RASGRF1: variants seen among roughly 807,000 people sequenced by gnomAD.
The protein encoded by RASGRF1 is Ras protein specific guanine nucleotide releasing factor 1, also known as ras-specific guanine nucleotide-releasing factor 1.
In RASGRF1, 40 loss-of-function variants were observed where a neutral mutation model predicts 138.7. That is an observed-to-expected ratio of 0.29 (90% CI 0.22 to 0.38). The LOEUF (loss-of-function observed/expected upper bound fraction) is 0.38, where lower values mean the gene tolerates loss of function less well. Ranked by LOEUF, RASGRF1 falls within the 10% of genes least tolerant of loss-of-function variation. The pLI is 1.00. For missense variants in RASGRF1, 1,108 were observed against 1,650.4 expected, an observed-to-expected ratio of 0.67 and a Z score of 5.69; for synonymous variants, 614 against 663.2, an observed-to-expected ratio of 0.93 and a Z score of 1.14.
chr15:78,984,728 AG>A (rs1376269280), intron 23 of RASGRF1: 3 of 451,352 alleles, frequency 6.6e-6, no homozygotes, highest in African/African-American at 6.0e-5. Context: ...CAACTCCAGA[AG>A]AAAAATGTTG....
At chr15:79,011,111 T>C (rs7169735) in intron 13 of RASGRF1, among the ~76,000 whole-genome samples, 117,811 of 151,756 alleles carry the variant, frequency 0.78, 46,865 homozygotes, top group Non-Finnish European at 0.84. Context: ...CCGCTCCCCA[T>C]TCTCCCCATA....
At position 79,029,359 on chromosome 15, in the gene RASGRF1, G is replaced by C. The variant is rs560445975; in HGVS notation, c.1263-1500C>G. ...ATTAAAACCACTTCTCTTGATGAGG[G>C]TGGGGTTTTGCGGGGGAAGCCTGTG... is the stretch of plus-strand genomic sequence containing the variant. On this transcript the variant is annotated intron_variant, in intron 8 of 26. Transcript: ENST00000558480. Among the ~76,000 whole-genome samples, 9 of 152,294 alleles carry C rather than the reference G, an allele frequency of 5.9e-5. No individual in the cohort carries two copies. In the East Asian group the frequency reaches 1.2e-3, roughly 20 times the overall value.
intron 10 of RASGRF1, among the ~76,000 whole-genome samples, 186 bp from the exon 11 acceptor site, chr15:79,020,290 A>G (rs917369812): frequency 5.2e-5 from 8 of 152,386 alleles, no homozygotes; most frequent in African/African-American, 1.9e-4. Flanking sequence ...TTATCTTCAT[A>G]TAAGAAGCTC....
At position 79,019,994 on chromosome 15, in the gene RASGRF1, GTA is replaced by G. The variant is rs1567529979; in HGVS notation, c.1606+45_1606+46del. The G allele has an allele frequency of 1.9e-6, 3 of 1,603,034 alleles. No individual in the cohort carries two copies. The East Asian group carries it at 6.7e-5, about 36-fold the overall frequency. On this transcript the variant is annotated intron_variant, in intron 11 of 26. Coordinates refer to ENST00000558480, the MANE Select transcript of RASGRF1 (RefSeq NM_001145648.3). ...CCAACCTTTAGGAGTGAGCGTGTGTGTATCTGTGCAAGCACACACATGCGCAC... is the reference window on the plus strand; with the variant it reads ...CCAACCTTTAGGAGTGAGCGTGTGTGTCTGTGCAAGCACACACATGCGCAC...
chr15:79,027,724 G>A lies in RASGRF1; in HGVS notation c.1381+17C>T, dbSNP rs756643381. 6.2e-7 allele frequency: 1 copy of A among 1,609,892 alleles called. No homozygotes were observed. The highest frequency in any genetic ancestry group is 8.5e-7 in the Non-Finnish European group (1 of 1,176,266). Reference sequence around the variant, plus strand: ...CCACCTGGTGGGGGCAGGGGAGACAGGGTGCAGAGGCCATACCTTGTCTCA... The same window carrying A: ...CCACCTGGTGGGGGCAGGGGAGACAAGGTGCAGAGGCCATACCTTGTCTCA... On this transcript the variant is annotated intron_variant, in intron 9 of 26. Transcript: ENST00000558480. This position sits in a 1 kb window ranked among gnomAD's most constrained non-coding sequence, Gnocchi z 4.8.
At position 79,027,013 on chromosome 15, in the gene RASGRF1, G is replaced by A. The variant is rs2057067248; in HGVS notation, c.1381+728C>T. On this transcript the variant is annotated intron_variant, in intron 9 of 26. Coordinates refer to ENST00000558480, the MANE Select transcript of RASGRF1 (RefSeq NM_001145648.3). The surrounding 1 kb of genome is among the most constrained non-coding windows in gnomAD (Gnocchi z 4.8). Reference sequence around the variant, plus strand: ...GGAGGCGCTGGCAAGTATTTCGTTAGGCAGAGAATCCCAGGGCTACAGAGA... The same window carrying A: ...GGAGGCGCTGGCAAGTATTTCGTTAAGCAGAGAATCCCAGGGCTACAGAGA... 6.6e-6 allele frequency among the ~76,000 whole-genome samples: 1 copy of A among 152,178 alleles called. No homozygotes were observed. Among genetic ancestry groups the A allele is most frequent in the Non-Finnish European group, 1.5e-5 (1 of 68,024 alleles).
At chr15:79,004,891 G>T in intron 14 of RASGRF1, 10 of 978,486 alleles carry the variant, frequency 1.0e-5, no homozygotes, top group Non-Finnish European at 1.1e-5. Context: ...ATTCCTACAG[G>T]ATAACTGCAG....
chr15:78,985,550 G>A (rs2056134600), intron 22 of RASGRF1: 1 of 193,450 alleles, frequency 5.2e-6, no homozygotes, highest in Admixed American at 5.4e-5. Context: ...CAGAGAAAGA[G>A]ATCAAATTCC....
intron 1 of RASGRF1, among the ~76,000 whole-genome samples, chr15:79,070,485 G>A (rs947599852): frequency 2.0e-5 from 3 of 152,240 alleles, no homozygotes; most frequent in Non-Finnish European, 2.9e-5. Flanking sequence ...TAAGCAGGTG[G>A]AGGTTCATAT....
At chr15:79,090,019 C>T (rs185312875) in intron 1 of RASGRF1, among the ~76,000 whole-genome samples, 1 of 152,242 alleles carries the variant, frequency 6.6e-6, no homozygotes, top group Admixed American at 6.5e-5. Context: ...ATCTACTCCC[C>T]GCCCTCAATC....
At chr15:79,058,135 CAG>C (rs2057535026) in intron 3 of RASGRF1, among the ~76,000 whole-genome samples, 197 bp downstream of exon 3, 1 of 152,214 alleles carries the variant, frequency 6.6e-6, no homozygotes, top group African/African-American at 2.4e-5. Flanking sequence ...CAATAAGTGA[CAG>C]AGGTGAGATT....
At position 79,017,883 on chromosome 15, in the gene RASGRF1, C is replaced by T. The variant is rs780630269; in HGVS notation, c.1630G>A (p.Asp544Asn). The change falls in exon 12 of 27, where the codon GAT becomes AAT. Residue 544 changes from aspartate to asparagine, a missense_variant. This residue lies in a region of RASGRF1 where 686 missense variants were observed against 976.7 expected (regional missense o/e 0.70). Transcript: ENST00000558480. ...EEAKGSGQDI[D>N]HLDFKIGVEP... ...ACCCCGATTTTAAAATCCAAGTGAT[C>T]TATGTCTTGGCCGGATCCTTTGGCT... 1.9e-6 allele frequency: 3 copies of T among 1,613,502 alleles called. No individual in the cohort carries two copies. The South Asian group carries it at 3.3e-5, about 18-fold the overall frequency.
Position 79,006,115 on chromosome 15 carries a change from C to A in RASGRF1, c.2075+71G>T. 6.3e-7 allele frequency: 1 copy of A among 1,597,224 alleles called. No homozygotes were observed. Among genetic ancestry groups the A allele is most frequent in the Non-Finnish European group, 8.6e-7 (1 of 1,169,582 alleles). On this transcript the variant is annotated intron_variant, in intron 14 of 26. Coordinates refer to ENST00000558480, the MANE Select transcript of RASGRF1 (RefSeq NM_001145648.3). The surrounding 1 kb of genome is among the most constrained non-coding windows in gnomAD (Gnocchi z 4.0). ...GACCTTCCAGGTCACCCCCCGGCCCCGTGCAAGCTCAGTTTTCCTCCAAGG... is the reference window on the plus strand; with the variant it reads ...GACCTTCCAGGTCACCCCCCGGCCCAGTGCAAGCTCAGTTTTCCTCCAAGG...
At chr15:79,078,089 C>T (rs1390641157) in intron 1 of RASGRF1, among the ~76,000 whole-genome samples, 2 of 151,162 alleles carry the variant, frequency 1.3e-5, no homozygotes, top group Admixed American at 6.6e-5. Context: ...CCACATGCTG[C>T]GTGATATCCC....
intron 16 of RASGRF1, 60 bp downstream of exon 16, chr15:79,001,602 G>C (rs957519611): frequency 1.5e-5 from 23 of 1,572,860 alleles, no homozygotes; most frequent in Non-Finnish European, 1.9e-5. Flanking sequence ...GACTCGACTT[G>C]ACCTACTGCC....
At chr15:79,019,569 A>G (rs1400917445) in intron 11 of RASGRF1, among the ~76,000 whole-genome samples, 2 of 152,076 alleles carry the variant, frequency 1.3e-5, no homozygotes, top group Non-Finnish European at 2.9e-5. Context: ...TGGCCCCTGC[A>G]CATTCTTTCC....
intron 3 of RASGRF1, among the ~76,000 whole-genome samples, chr15:79,054,118 G>A (rs942772439): frequency 1.3e-5 from 2 of 152,260 alleles, no homozygotes; most frequent in Non-Finnish European, 2.9e-5. Context: ...GCATGATAGA[G>A]TGTTGTGCAG....
intron 3 of RASGRF1, among the ~76,000 whole-genome samples, chr15:79,057,294 A>G (rs1255753441): frequency 6.6e-6 from 1 of 152,178 alleles, no homozygotes; most frequent in Non-Finnish European, 1.5e-5. Context: ...ACCCCAGTCC[A>G]GCTACTGCGC....
intron 1 of RASGRF1, among the ~76,000 whole-genome samples, chr15:79,065,016 G>A (rs375311905): frequency 3.9e-5 from 6 of 152,226 alleles, no homozygotes; most frequent in East Asian, 3.8e-4. Context: ...TTGGGTGCAG[G>A]TGACTAACTT....
Sources: allele counts gnomAD v4.1 joint callset (sites outside exome capture counted in the v4.1 genomes callset), GRCh38; gene constraint gnomAD v4.1.1; regional missense constraint gnomAD v4.1.1; non-coding constraint Gnocchi (gnomAD v3.1); transcripts MANE v1.5; gene names NCBI Gene and HGNC (gene_info 2026-07-23, HGNC 2026-07-21).